The following CNTN3 variants were observed in gnomAD, a reference collection of about 807,000 sequenced individuals.
The protein encoded by CNTN3 is contactin-3.
CNTN3 carries 60 observed loss-of-function variants against 119.1 expected under a neutral mutation model. That is an observed-to-expected ratio of 0.50 (90% confidence interval 0.41 to 0.62). The LOEUF is 0.62. Among genes scored for constraint, CNTN3 ranks in the 20% least tolerant of loss-of-function variants. The pLI, the probability that CNTN3 is intolerant of heterozygous loss-of-function variation, is 0.00. For missense variants in CNTN3, 1,101 were observed against 1,242.4 expected (o/e 0.89, Z 1.71); for synonymous variants, 450 against 438.7 (o/e 1.03, Z -0.32).
At chr3:74,455,331 C>G (rs1050882085) in intron 4 of CNTN3, among the ~76,000 whole-genome samples, 3 of 152,032 alleles carry the variant, frequency 2.0e-5, no homozygotes, top group Admixed American at 2.0e-4. Flanking sequence ...ACGTAGTTCT[C>G]GAGCCTTGGC....
intron 13 of CNTN3, among the ~76,000 whole-genome samples, chr3:74,315,441 T>C (rs1052815239): frequency 6.6e-6 from 1 of 152,160 alleles, no homozygotes; most frequent in Admixed American, 6.5e-5. Flanking sequence ...AACCCTCTCT[T>C]GGGGTCTGGA....
chr3:74,382,990 C>T (rs902916925), intron 5 of CNTN3, among the ~76,000 whole-genome samples: 6 of 152,118 alleles, frequency 3.9e-5, no homozygotes, highest in Non-Finnish European at 2.9e-5. Context: ...TACATCAATG[C>T]AATAAATAAT....
intron 1 of CNTN3, among the ~76,000 whole-genome samples, chr3:74,549,047 C>T (rs774153351): frequency 5.3e-5 from 8 of 152,170 alleles, no homozygotes; most frequent in Non-Finnish European, 8.8e-5. Context: ...CAGACTGATA[C>T]AATTTGACTC....
chr3:74,430,046 T>G (rs557236172), intron 4 of CNTN3, among the ~76,000 whole-genome samples: 1 of 152,336 alleles, frequency 6.6e-6, no homozygotes, highest in Non-Finnish European at 1.5e-5. Flanking sequence ...TTCTTAAGTG[T>G]AAAATGTCAA....
Position 74,385,733 on chromosome 3 carries a change from T to G in CNTN3, c.455-14334A>C, listed in dbSNP as rs1374034515. On this transcript the variant is annotated intron_variant, in intron 5 of 22. Coordinates refer to ENST00000263665, the MANE Select transcript of CNTN3 (RefSeq NM_020872.3). ...TTCCACAAGGATTAGGTAATCCATA[T>G]GCATGCTGTGGTTGATGGAGAGACT... 1.3e-5 allele frequency among the ~76,000 whole-genome samples: 2 copies of G among 152,236 alleles called. 1 individual carries two copies. Among genetic ancestry groups the G allele is most frequent in the Admixed American group, 1.3e-4 (2 of 15,280 alleles).
chr3:74,553,289 T>C (rs1287503455), intron 1 of CNTN3, among the ~76,000 whole-genome samples: 1 of 152,230 alleles, frequency 6.6e-6, no homozygotes, highest in East Asian at 1.9e-4. Context: ...GGCTACATAG[T>C]ATTCCGTGGT....
intron 2 of CNTN3, among the ~76,000 whole-genome samples, chr3:74,519,426 C>G (rs974333762): frequency 1.3e-5 from 2 of 151,756 alleles, no homozygotes; most frequent in African/African-American, 4.8e-5. Context: ...ACAAATTTCA[C>G]ATAATGTAAA....
At position 74,375,143 on chromosome 3, in the gene CNTN3, G is replaced by A. The variant is rs1018778442; in HGVS notation, c.455-3744C>T. On this transcript the variant is annotated intron_variant, in intron 5 of 22. Transcript: ENST00000263665. The stretch of plus-strand genomic sequence containing the variant: ...AATAATCCAATGATCTTCCTCTACC[G>A]ATTCTCCCAAACACAACCCCAGAAA... Among the ~76,000 whole-genome samples the A allele has an allele frequency of 4.6e-5, 7 of 151,998 alleles. No homozygotes were observed. The East Asian group carries it at 9.6e-4, about 21-fold the overall frequency.
chr3:74,446,987 C>T (rs763323275), intron 4 of CNTN3, among the ~76,000 whole-genome samples: 2 of 152,194 alleles, frequency 1.3e-5, no homozygotes, highest in African/African-American at 4.8e-5. Flanking sequence ...GTTTCAAAGA[C>T]GTTTTTCTTT....
chr3:74,458,264 A>C (rs1181589549), intron 4 of CNTN3, among the ~76,000 whole-genome samples: 1 of 152,068 alleles, frequency 6.6e-6, no homozygotes, highest in Non-Finnish European at 1.5e-5. Context: ...AAAGTAGTTT[A>C]TCTTTTTCAG....
intron 5 of CNTN3, among the ~76,000 whole-genome samples, chr3:74,381,537 A>G (rs1207592020): frequency 6.6e-6 from 1 of 152,176 alleles, no homozygotes; most frequent in Admixed American, 6.5e-5. Context: ...AAATACAGAT[A>G]GTAGTTTTAT....
chr3:74,354,564 T>C (rs1388488277), intron 11 of CNTN3, among the ~76,000 whole-genome samples: 1 of 151,984 alleles, frequency 6.6e-6, no homozygotes, highest in Non-Finnish European at 1.5e-5. Context: ...ATGAATGAAA[T>C]AGCACAAAAA....
chr3:74,343,902 A>G (rs1010431839), intron 11 of CNTN3, among the ~76,000 whole-genome samples: 4 of 150,860 alleles, frequency 2.7e-5, no homozygotes, highest in African/African-American at 1.0e-4. Context: ...GTTCTAAGCT[A>G]TGTCCATTGG....
At chr3:74,590,041 T>C (rs1575851329) in intron 1 of CNTN3, among the ~76,000 whole-genome samples, 1 of 151,496 alleles carries the variant, frequency 6.6e-6, no homozygotes, top group African/African-American at 2.4e-5. Flanking sequence ...CTCACCAGCA[T>C]GGCACATGTA....
chr3:74,597,383 T>C lies in CNTN3; in HGVS notation c.-81+17008A>G, dbSNP rs559982751. On this transcript the variant is annotated intron_variant, in intron 1 of 22. Coordinates refer to ENST00000263665, the MANE Select transcript of CNTN3 (RefSeq NM_020872.3). ...CTAGAACTACATGTTATCAGGCAGTTTTTTTAATGAATAAAGAGTAACCCA... is the reference window on the plus strand; with the variant it reads ...CTAGAACTACATGTTATCAGGCAGTCTTTTTAATGAATAAAGAGTAACCCA... 5.9e-4 allele frequency among the ~76,000 whole-genome samples: 89 copies of C among 152,094 alleles called. 2 individuals are homozygous for C. The South Asian group carries it at 0.018, about 30-fold the overall frequency.
rs141500244 is a variant in CNTN3 at position 74,299,600 on chromosome 3, A to C, written c.2166+268T>G. On this transcript the variant is annotated intron_variant, in intron 17 of 22. Coordinates refer to ENST00000263665, the MANE Select transcript of CNTN3 (RefSeq NM_020872.3). ...AAATTGTTGCAAGGATGACATGAGG[A>C]AAATACATGCTAAATGCTGGGAATA... Among the ~76,000 whole-genome samples, 269 of 152,322 alleles carry C rather than the reference A, an allele frequency of 1.8e-3. 2 individuals are homozygous for C. The highest frequency in any genetic ancestry group is 6.8e-3 in the Middle Eastern group (2 of 294).
At chr3:74,611,642 A>G (rs1198795975) in intron 1 of CNTN3, among the ~76,000 whole-genome samples, 1 of 152,182 alleles carries the variant, frequency 6.6e-6, no homozygotes, top group Non-Finnish European at 1.5e-5. Flanking sequence ...CTTGCCAACT[A>G]TCTTTGCAAC....
At chr3:74,576,445 C>T (rs890361661) in intron 1 of CNTN3, among the ~76,000 whole-genome samples, 2 of 151,922 alleles carry the variant, frequency 1.3e-5, no homozygotes, top group African/African-American at 2.4e-5. Context: ...GACTAGAGTA[C>T]ACACAATTTC....
intron 13 of CNTN3, among the ~76,000 whole-genome samples, chr3:74,324,223 T>TG (rs965632063): frequency 6.6e-6 from 1 of 152,052 alleles, no homozygotes; most frequent in African/African-American, 2.4e-5. Flanking sequence ...CTTCTTTTTT[T>TG]TTTTTTGAGA....
Sources: allele counts gnomAD v4.1 joint callset (sites outside exome capture counted in the v4.1 genomes callset), GRCh38; gene constraint gnomAD v4.1.1; transcripts MANE v1.5; gene names NCBI Gene and HGNC (gene_info 2026-07-23, HGNC 2026-07-21).